The following SLC1A3 variants were observed in gnomAD, a reference collection of about 807,000 sequenced individuals.
SLC1A3 encodes the protein excitatory amino acid transporter 1.
SLC1A3 carries 21 observed loss-of-function variants against 48.1 expected under a neutral mutation model. The ratio of observed to expected loss-of-function variants is 0.44; its 90% CI spans 0.31 to 0.63. The LOEUF (loss-of-function observed/expected upper bound fraction) is 0.63. Ranked by LOEUF, SLC1A3 falls within the 20% of genes least tolerant of loss-of-function variation. SLC1A3 has a pLI of 0.08. For synonymous variants in SLC1A3, 239 were observed against 251.4 expected (o/e 0.95, Z 0.47); for missense variants, 546 against 689.0 (o/e 0.79, Z 2.32).
intron 3 of SLC1A3, among the ~76,000 whole-genome samples, chr5:36,653,955 T>C (rs910010324): frequency 6.6e-6 from 1 of 152,234 alleles, no homozygotes; most frequent in African/African-American, 2.4e-5. Context: ...GTGATTCTCC[T>C]GCCTCAGCCT....
At chr5:36,637,207 A>G (rs989656995) in intron 3 of SLC1A3, among the ~76,000 whole-genome samples, 6 of 152,118 alleles carry the variant, frequency 3.9e-5, no homozygotes, top group African/African-American at 1.4e-4. Context: ...TCTAGATCCA[A>G]TCCTCTATTA....
At chr5:36,638,008 G>A (rs1346709023) in intron 3 of SLC1A3, among the ~76,000 whole-genome samples, 5 of 151,902 alleles carry the variant, frequency 3.3e-5, no homozygotes, top group African/African-American at 1.2e-4. Context: ...TTCTAGAATT[G>A]TTGTTTTCTG....
chr5:36,664,163 G>A (rs576529816), intron 3 of SLC1A3, among the ~76,000 whole-genome samples: 22 of 152,162 alleles, frequency 1.4e-4, no homozygotes, highest in Non-Finnish European at 2.6e-4. Flanking sequence ...ACAGAGTTTC[G>A]CTCTTTTTTG....
At chr5:36,642,345 T>C (rs1317994584) in intron 3 of SLC1A3, among the ~76,000 whole-genome samples, 2 of 152,204 alleles carry the variant, frequency 1.3e-5, no homozygotes, top group African/African-American at 4.8e-5. Flanking sequence ...TTTCTAGCAA[T>C]GTGTATCAGA....
In SLC1A3 at chr5:36,677,060, C is replaced by G; in HGVS notation, c.736C>G (p.Leu246Val). The change falls in exon 6 of 10, where the codon CTA becomes GTA. Residue 246 changes from leucine to valine, a missense_variant. Around this residue, in one of 3 missense-constraint regions of SLC1A3, gnomAD observed 348 missense variants for 392.0 expected, o/e 0.89. Coordinates refer to ENST00000265113, the MANE Select transcript of SLC1A3 (RefSeq NM_004172.5). ...GSVNGVNALG[L>V]VVFSMCFGFV... ...TGTGAATGGAGTCAATGCCCTGGGT[C>G]TAGTTGTCTTCTCCATGTGCTTCGG... is the stretch of plus-strand genomic sequence containing the variant. 1 of 1,614,064 alleles carries G rather than the reference C, an allele frequency of 6.2e-7. No homozygotes were observed.
chr5:36,642,036 T>C (rs576033245), intron 3 of SLC1A3, among the ~76,000 whole-genome samples: 1 of 152,318 alleles, frequency 6.6e-6, no homozygotes, highest in African/African-American at 2.4e-5. Flanking sequence ...CAAGAAAGGA[T>C]GAAGAAAAGC....
In SLC1A3 at chr5:36,686,053, C is replaced by A; in HGVS notation, c.1425-12C>A. On this transcript the variant is annotated splice_polypyrimidine_tract_variant and intron_variant, in intron 9 of 9. Coordinates refer to ENST00000265113, the MANE Select transcript of SLC1A3 (RefSeq NM_004172.5). ...GAGCCTCGTTTTTCCCTCCTCCCCA[C>A]CCTGCCTGCAGGGATCGCCTCCGGA... is the stretch of plus-strand genomic sequence containing the variant. 6.2e-7 allele frequency: 1 copy of A among 1,613,266 alleles called. No homozygotes were observed. Among genetic ancestry groups the A allele is most frequent in the African/African-American group, 1.3e-5 (1 of 75,026 alleles).
At chr5:36,616,635 C>G (rs1579952324) in intron 2 of SLC1A3, among the ~76,000 whole-genome samples, 1 of 152,164 alleles carries the variant, frequency 6.6e-6, no homozygotes, top group South Asian at 2.1e-4. Flanking sequence ...TATTCAGAAC[C>G]TTGTATGATG....
In SLC1A3 at chr5:36,679,819, G is replaced by A. The variant is rs766540736; in HGVS notation, c.1053G>A (p.Gly351=). ...AAAACCCTTGGGTTTTTATTGGAGGGTTGCTGCAAGCACTCATCACCGCTC... is the reference window on the plus strand; with the variant it reads ...AAAACCCTTGGGTTTTTATTGGAGGATTGCTGCAAGCACTCATCACCGCTC... ...TRKNPWVFIG[G]LLQALITALG... Residue 351 remains glycine, a synonymous_variant, in exon 7 of 10, where the codon GGG becomes GGA. Transcript: ENST00000265113. The A allele has an allele frequency of 1.1e-4, 177 of 1,614,022 alleles. No individual in the cohort carries two copies. Among genetic ancestry groups the A allele is most frequent in the Non-Finnish European group, 1.5e-5 (18 of 1,180,000 alleles).
Position 36,629,550 on chromosome 5 carries a change from G to A in SLC1A3, c.282G>A (p.Met94Ile). The change falls in exon 3 of 10, where the codon ATG (methionine) becomes ATA (isoleucine). Residue 94 changes from methionine to isoleucine, a missense_variant. Met to Ile is a conservative substitution (Grantham distance 10). This residue lies in a region of SLC1A3 where 348 missense variants were observed against 392.0 expected (regional missense o/e 0.89). Transcript: ENST00000265113. Reference protein sequence around the residue: ...PGELLMRMLQMLVLPLIISSL... With the variant: ...PGELLMRMLQILVLPLIISSL... ...AACTTCTGATGAGGATGTTACAGAT[G>A]CTGGTCTTACCACTTATCATCTCCA... 6.2e-7 allele frequency: 1 copy of A among 1,612,556 alleles called. No homozygotes were observed. The highest frequency in any genetic ancestry group is 8.5e-7 in the Non-Finnish European group (1 of 1,179,294).
chr5:36,609,084 A>G, intron 2 of SLC1A3: 2 of 988,276 alleles, frequency 2.0e-6, no homozygotes, highest in Non-Finnish European at 2.4e-6. Flanking sequence ...CAGAGACCGA[A>G]TATTTTATGT....
intron 3 of SLC1A3, among the ~76,000 whole-genome samples, chr5:36,651,767 T>A (rs1199729160): frequency 6.6e-6 from 1 of 152,046 alleles, no homozygotes; most frequent in Non-Finnish European, 1.5e-5. Flanking sequence ...CAGCTCTCCA[T>A]CCCTGGGGAC....
intron 2 of SLC1A3, among the ~76,000 whole-genome samples, chr5:36,620,976 GCT>G (rs1739640675): frequency 6.6e-6 from 1 of 151,784 alleles, no homozygotes; most frequent in African/African-American, 2.4e-5. Context: ...TGCAATCTCG[GCT>G]CACTACAACC....
chr5:36,605,182 T>C (rs1738883653), upstream of SLC1A3, among the ~76,000 whole-genome samples: 1 of 152,212 alleles, frequency 6.6e-6, no homozygotes, highest in Admixed American at 6.5e-5. Flanking sequence ...AAAGAACTTA[T>C]AATTTAGTTG....
chr5:36,615,259 G>A (rs1739383234), intron 2 of SLC1A3, among the ~76,000 whole-genome samples: 1 of 152,164 alleles, frequency 6.6e-6, no homozygotes, highest in East Asian at 1.9e-4. Context: ...TTTCTCATCA[G>A]CAAAGTAAGT....
intron 2 of SLC1A3, among the ~76,000 whole-genome samples, chr5:36,628,826 G>T (rs1043881359): frequency 1.2e-4 from 18 of 152,124 alleles, no homozygotes; most frequent in African/African-American, 4.3e-4. Flanking sequence ...GAAAATCTCT[G>T]CTCATTTTGG....
At chr5:36,622,696 C>T (rs548738440) in intron 2 of SLC1A3, among the ~76,000 whole-genome samples, 2 of 152,116 alleles carry the variant, frequency 1.3e-5, no homozygotes, top group African/African-American at 4.8e-5. Flanking sequence ...GAAAATGAGA[C>T]GATATTTAAT....
intron 3 of SLC1A3, chr5:36,636,267 G>A (rs867979925): frequency 6.6e-6 from 1 of 152,152 alleles, no homozygotes; most frequent in Admixed American, 6.5e-5. Flanking sequence ...TCAACGTCTG[G>A]TTGGGAGATG....
chr5:36,633,061 G>T (rs920352099), intron 3 of SLC1A3, among the ~76,000 whole-genome samples: 1 of 152,164 alleles, frequency 6.6e-6, no homozygotes. Flanking sequence ...AGTTTCTATC[G>T]ATTTGGTCAG....
Sources: allele counts gnomAD v4.1 joint callset (sites outside exome capture counted in the v4.1 genomes callset), GRCh38; gene constraint gnomAD v4.1.1; regional missense constraint gnomAD v4.1.1; transcripts MANE v1.5; gene names NCBI Gene and HGNC (gene_info 2026-07-23, HGNC 2026-07-21).